The following CD55 variants were observed in gnomAD, a reference collection of about 807,000 sequenced individuals.
CD55 encodes the protein complement decay-accelerating factor.
In CD55, 41 loss-of-function variants were observed where a neutral mutation model predicts 45.8. The ratio of observed to expected loss-of-function variants is 0.90; its 90% CI spans 0.70 to 1.16. CD55 has a LOEUF of 1.16. Ranked by LOEUF, CD55 falls within the 50% of genes most tolerant of loss-of-function variation. The probability of loss-of-function intolerance (pLI) is 0.00; values close to 1 mark genes in which losing one functional copy is unlikely to be tolerated. For missense variants in CD55, 416 were observed against 469.8 expected, an observed-to-expected ratio of 0.89 and a Z score of 1.06; for synonymous variants, 181 against 181.1, an observed-to-expected ratio of 1.00 and a Z score of 0.01.
chr1:207,347,303 A>G (rs1397401426), intron 9 of CD55: 1 of 439,188 alleles, frequency 2.3e-6, no homozygotes, highest in African/African-American at 2.0e-5. Flanking sequence ...TCTGTCACCC[A>G]GGCTGGAGTG....
intron 9 of CD55, among the ~76,000 whole-genome samples, chr1:207,351,790 T>G (rs1655877398): frequency 6.6e-6 from 1 of 152,166 alleles, no homozygotes; most frequent in Non-Finnish European, 1.5e-5. Context: ...GAAATGCCTT[T>G]TTTTCCTGAA....
intron 9 of CD55, among the ~76,000 whole-genome samples, chr1:207,350,336 C>T (rs1404918416): frequency 6.6e-6 from 1 of 151,912 alleles, no homozygotes; most frequent in Non-Finnish European, 1.5e-5. Context: ...TTTGTCCTGT[C>T]TCTTTGCCAG....
intron 9 of CD55, among the ~76,000 whole-genome samples, chr1:207,344,935 C>G (rs1480506253): frequency 1.3e-5 from 2 of 152,036 alleles, no homozygotes. Flanking sequence ...AGTCTGGTCT[C>G]GAACTCCTGA....
chr1:207,322,453 G>A lies in CD55; in HGVS notation c.172G>A (p.Asp58Asn). Residue 58 changes from aspartate (D) to asparagine (N), a missense_variant, in exon 2 of 10, where the codon GAT (aspartate) becomes AAT (asparagine). Around this residue, in one of 3 missense-constraint regions of CD55, gnomAD observed 123 missense variants for 105.1 expected, o/e 1.17. Transcript: ENST00000367064. ...GGAAGGCCGTACAAGTTTTCCCGAGGATACTGTAATAACGTACAAATGTGA... is the reference window on the plus strand; with the variant it reads ...GGAAGGCCGTACAAGTTTTCCCGAGAATACTGTAATAACGTACAAATGTGA... ...ALEGRTSFPE[D>N]TVITYKCEES... 1 of 1,614,200 alleles carries A rather than the reference G, an allele frequency of 6.2e-7. No homozygotes were observed. The highest frequency in any genetic ancestry group is 1.1e-5 in the South Asian group (1 of 91,084).
intron 2 of CD55, among the ~76,000 whole-genome samples, chr1:207,322,840 A>G (rs1247547910): frequency 3.3e-5 from 5 of 152,256 alleles, no homozygotes; most frequent in Non-Finnish European, 5.9e-5. Context: ...GGGAGTAAAC[A>G]TATAAAATAT....
intron 2 of CD55, 33 bp downstream of exon 2, chr1:207,322,600 G>T: frequency 6.5e-7 from 1 of 1,529,518 alleles, no homozygotes; most frequent in Non-Finnish European, 8.9e-7. Context: ...AAAGTTCTGG[G>T]AATGGAATGT....
intron 6 of CD55, 43 bp downstream of exon 6, chr1:207,331,339 T>A (rs1558146864): frequency 6.6e-7 from 1 of 1,506,752 alleles, no homozygotes. Flanking sequence ...ATTCTTACCC[T>A]CAGGTCTATA....
At chr1:207,359,094 T>C (rs1288070383) in intron 9 of CD55, among the ~76,000 whole-genome samples, 2 of 152,164 alleles carry the variant, frequency 1.3e-5, no homozygotes, top group African/African-American at 4.8e-5. Context: ...TTAAAAGACA[T>C]CTCATATCTT....
chr1:207,338,452 C>T (rs1301542980), intron 8 of CD55, among the ~76,000 whole-genome samples: 1 of 152,120 alleles, frequency 6.6e-6, no homozygotes, highest in Non-Finnish European at 1.5e-5. Context: ...AAATAAGCAT[C>T]ACTTATAAAT....
At chr1:207,345,298 ATTCT>A (rs1655587593) in intron 9 of CD55, among the ~76,000 whole-genome samples, 1 of 151,778 alleles carries the variant, frequency 6.6e-6, no homozygotes, top group Admixed American at 6.6e-5. Context: ...AAGTTCTGAG[ATTCT>A]TTCTTCTGCT....
intron 2 of CD55, among the ~76,000 whole-genome samples, 158 bp downstream of exon 2, chr1:207,322,725 A>G (rs1654480607): frequency 6.6e-6 from 1 of 152,214 alleles, no homozygotes; most frequent in African/African-American, 2.4e-5. Flanking sequence ...AATTGAAGAC[A>G]TTTACCACCC....
intron 9 of CD55, among the ~76,000 whole-genome samples, chr1:207,353,018 T>C (rs1337301756): frequency 6.7e-6 from 1 of 148,814 alleles, no homozygotes; most frequent in African/African-American, 2.5e-5. Context: ...TAGAGGCCGA[T>C]GACTAGTTTC....
intron 5 of CD55, among the ~76,000 whole-genome samples, chr1:207,328,950 A>G (rs964224631): frequency 6.6e-6 from 1 of 152,152 alleles, no homozygotes. Flanking sequence ...CCCACACTGT[A>G]TGGGTTCTCT....
intron 8 of CD55, among the ~76,000 whole-genome samples, chr1:207,338,509 A>G (rs538250946): frequency 6.6e-6 from 1 of 152,198 alleles, no homozygotes; most frequent in Admixed American, 6.5e-5. Flanking sequence ...TGTAAAAAGT[A>G]TAAGATAATT....
At chr1:207,326,470 A>T (rs1388827563) in intron 4 of CD55, among the ~76,000 whole-genome samples, 1 of 152,202 alleles carries the variant, frequency 6.6e-6, no homozygotes, top group Non-Finnish European at 1.5e-5. Context: ...ATGTTCAATC[A>T]TCTATGTCAT....
Position 207,337,422 on chromosome 1 carries a change from T to C in CD55, c.1060+13T>C, listed in dbSNP as rs1285124934. On this transcript the variant is annotated intron_variant, in intron 8 of 9. Transcript: ENST00000367064. ...GGAACCACTTCAGGTCAGTTGACACTGTTCAGGTTTACTGAGTATGGATCT... is the reference window on the plus strand; with the variant it reads ...GGAACCACTTCAGGTCAGTTGACACCGTTCAGGTTTACTGAGTATGGATCT... 1.4e-6 allele frequency: 2 copies of C among 1,453,744 alleles called. No individual in the cohort carries two copies. Among genetic ancestry groups the C allele is most frequent in the Non-Finnish European group, 9.7e-7 (1 of 1,033,846 alleles). 90.1% of individuals were successfully genotyped at this position (1,453,744 alleles called of 1,614,324 possible). A position where few individuals can be genotyped will look rare whatever the true frequency, so the allele number is the denominator to read the frequency against.
chr1:207,339,777 C>G (rs1655339100), intron 9 of CD55, among the ~76,000 whole-genome samples: 1 of 152,040 alleles, frequency 6.6e-6, no homozygotes, highest in African/African-American at 2.4e-5. Context: ...CCAGTAATTC[C>G]TTAATATCAG....
At chr1:207,356,561 G>A (rs1226395664) in intron 9 of CD55, among the ~76,000 whole-genome samples, 1 of 152,028 alleles carries the variant, frequency 6.6e-6, no homozygotes, top group Non-Finnish European at 1.5e-5. Flanking sequence ...CCTGTGATTA[G>A]GGCTTTTTCT....
Position 207,344,967 on chromosome 1 carries a change from C to T in CD55, c.1081+5550C>T, listed in dbSNP as rs546874354. On this transcript the variant is annotated intron_variant, in intron 9 of 9. Coordinates refer to ENST00000367064, the MANE Select transcript of CD55 (RefSeq NM_000574.5). ...CTGACCTCAGGTGATCCACCTGCCTCGGCCTCCCAAAGTGCTGGGATTACA... is the reference window on the plus strand; with the variant it reads ...CTGACCTCAGGTGATCCACCTGCCTTGGCCTCCCAAAGTGCTGGGATTACA... Among the ~76,000 whole-genome samples the T allele has an allele frequency of 3.9e-5, 6 of 152,258 alleles. No homozygotes were observed. The South Asian group carries it at 6.2e-4, about 16-fold the overall frequency.
Sources: allele counts gnomAD v4.1 joint callset (sites outside exome capture counted in the v4.1 genomes callset), GRCh38; gene constraint gnomAD v4.1.1; regional missense constraint gnomAD v4.1.1; transcripts MANE v1.5; gene names NCBI Gene and HGNC (gene_info 2026-07-23, HGNC 2026-07-21).